The following MYOM1 variants were observed in gnomAD, a reference collection of about 807,000 sequenced individuals.
MYOM1 encodes myomesin-1.
Under a neutral mutation model 205.3 loss-of-function variants are expected in MYOM1, and 164 were observed. The ratio of observed to expected loss-of-function variants is 0.80; its 90% confidence interval spans 0.70 to 0.91. The LOEUF (loss-of-function observed/expected upper bound fraction) is 0.91, where lower values mean the gene tolerates loss of function less well. Among genes scored for constraint, MYOM1 ranks in the 40% least tolerant of loss-of-function variants. The pLI is 0.00. For missense variants in MYOM1, 2,011 were observed against 2,127.3 expected, an observed-to-expected ratio of 0.95 and a Z score of 1.08; for synonymous variants, 772 against 789.4, an observed-to-expected ratio of 0.98 and a Z score of 0.37.
chr18:3,150,981 T>C (rs1031457312), intron 12 of MYOM1, among the ~76,000 whole-genome samples: 3 of 123,616 alleles, frequency 2.4e-5, no homozygotes, highest in Non-Finnish European at 4.7e-5. Flanking sequence ...ATGCCTGGCT[T>C]TTTTTTTTTT....
intron 20 of MYOM1, among the ~76,000 whole-genome samples, chr18:3,119,652 T>C (rs2143831989): frequency 6.6e-6 from 1 of 152,290 alleles, no homozygotes; most frequent in East Asian, 1.9e-4. Context: ...GCTCTAGGAT[T>C]TACTGGGAAC....
rs142047476 is a variant in MYOM1, at chr18:3,126,746, T to C, written c.2946A>G (p.Lys982=). 3.2e-5 allele frequency: 51 copies of C among 1,613,772 alleles called. No individual in the cohort carries two copies. The Middle Eastern group carries it at 4.9e-4, about 16-fold the overall frequency. ...CAGCCTTGACATTGGCTTCTCTCCA[T>C]TTTCCTGGTACCCCATCAATGACCT... is the stretch of plus-strand genomic sequence containing the variant. ...YREVIDGVPG[K]WREANVKAVS... is the part of the protein sequence containing the mutation. The change falls in exon 19 of 38, where the codon AAA becomes AAG. Residue 982 remains lysine, a synonymous_variant. Transcript: ENST00000356443.
chr18:3,085,141 G>A lies in MYOM1; in HGVS notation c.4252-9C>T, dbSNP rs1304020441. On this transcript the variant is annotated splice_polypyrimidine_tract_variant and intron_variant, in intron 30 of 37. Coordinates refer to ENST00000356443, the MANE Select transcript of MYOM1 (RefSeq NM_003803.4). The stretch of plus-strand genomic sequence containing the variant: ...GCATCTTTCTTGGAAAACTAAGGGG[G>A]AATAGATATACCACATTGCACCTTT... 1.3e-6 allele frequency: 2 copies of A among 1,591,100 alleles called. No homozygotes were observed. The highest frequency in any genetic ancestry group is 1.7e-5 in the Admixed American group (1 of 57,500).
rs188526909 is a variant in MYOM1 at position 3,152,147 on chromosome 18, G to C, written c.1644-254C>G. Among the ~76,000 whole-genome samples, 157 of 152,264 alleles carry C rather than the reference G, an allele frequency of 1.0e-3. No individual in the cohort carries two copies. The highest frequency in any genetic ancestry group is 2.6e-3 in the African/African-American group (107 of 41,544). ...AAAGCAGGCATCTGAGGGGCCTTGT[G>C]TAGAAAGCAGAGGGGTTTGGGGGTT... On this transcript the variant is annotated intron_variant, in intron 11 of 37. Coordinates refer to ENST00000356443, the MANE Select transcript of MYOM1 (RefSeq NM_003803.4). The surrounding 1 kb of genome is among the most constrained non-coding windows in gnomAD (Gnocchi z 4.3).
chr18:3,216,822 A>G (rs2081273770), intron 1 of MYOM1, among the ~76,000 whole-genome samples: 1 of 152,202 alleles, frequency 6.6e-6, no homozygotes, highest in South Asian at 2.1e-4. Context: ...GAAAGCCAGA[A>G]GACCTATGAA....
At chr18:3,181,217 C>T (rs368500599) in intron 5 of MYOM1, among the ~76,000 whole-genome samples, 3 of 152,244 alleles carry the variant, frequency 2.0e-5, no homozygotes, top group East Asian at 3.9e-4. Context: ...TGAACCACCA[C>T]GCCCGGCCAA....
intron 19 of MYOM1, among the ~76,000 whole-genome samples, chr18:3,124,621 G>A (rs1024212568): frequency 4.0e-5 from 6 of 151,832 alleles, no homozygotes; most frequent in African/African-American, 4.9e-5. Context: ...GAGCCACCGC[G>A]CCCGGCCCCA....
chr18:3,084,757 A>T (rs2079129977), intron 31 of MYOM1, among the ~76,000 whole-genome samples: 1 of 152,188 alleles, frequency 6.6e-6, no homozygotes, highest in African/African-American at 2.4e-5. Flanking sequence ...TGAGCCTGGA[A>T]CATTTTTATA....
chr18:3,216,272 GAAACA>G (rs2081266111), intron 1 of MYOM1, among the ~76,000 whole-genome samples: 1 of 152,062 alleles, frequency 6.6e-6, no homozygotes, highest in Non-Finnish European at 1.5e-5. Flanking sequence ...GTCTCACAAT[GAAACA>G]AAACAAAAAA....
intron 36 of MYOM1, among the ~76,000 whole-genome samples, chr18:3,072,451 T>G (rs1170243378): frequency 2.0e-5 from 3 of 146,556 alleles, no homozygotes; most frequent in Non-Finnish European, 3.0e-5. Flanking sequence ...CCTCCCAGGT[T>G]CAAGTGATTC....
At chr18:3,187,264 A>G (rs2080830712) in intron 5 of MYOM1, among the ~76,000 whole-genome samples, 2 of 152,384 alleles carry the variant, frequency 1.3e-5, no homozygotes, top group Non-Finnish European at 2.9e-5. Flanking sequence ...ATAGGATTAT[A>G]GAGTATTATC....
chr18:3,113,839 AAT>A (rs1233234301), intron 21 of MYOM1, among the ~76,000 whole-genome samples: 1 of 152,194 alleles, frequency 6.6e-6, no homozygotes, highest in Non-Finnish European at 1.5e-5. Context: ...TAAATCAAAC[AAT>A]GTTGGAATAA....
rs2080970358 is a variant in MYOM1, at chr18:3,194,769, A to C, written c.291-811T>G. On this transcript the variant is annotated intron_variant, in intron 2 of 37. Coordinates refer to ENST00000356443, the MANE Select transcript of MYOM1 (RefSeq NM_003803.4). Reference sequence around the variant, plus strand: ...AATTTGGCATAAACTTCAGGAGTTCATGAACTCCCTGAAGTCAATCCATGA... The same window carrying C: ...AATTTGGCATAAACTTCAGGAGTTCCTGAACTCCCTGAAGTCAATCCATGA... 2.0e-5 allele frequency among the ~76,000 whole-genome samples: 3 copies of C among 152,134 alleles called. No individual in the cohort carries two copies. The South Asian group carries it at 6.2e-4, about 32-fold the overall frequency.
intron 9 of MYOM1, among the ~76,000 whole-genome samples, chr18:3,166,181 G>A (rs527499023): frequency 1.3e-5 from 2 of 151,568 alleles, no homozygotes; most frequent in East Asian, 3.9e-4. Flanking sequence ...TCTTGGTCCT[G>A]TAAAATGGCA....
intron 10 of MYOM1, among the ~76,000 whole-genome samples, chr18:3,158,877 GTGC>G (rs779804221): frequency 3.3e-5 from 5 of 152,134 alleles, no homozygotes; most frequent in Non-Finnish European, 5.9e-5. Flanking sequence ...GCCTCCCAAA[GTGC>G]TGGGATTACC....
the MYOM1 span, among the ~76,000 whole-genome samples, chr18:3,234,037 T>C: frequency 6.6e-6 from 1 of 152,198 alleles, no homozygotes; most frequent in African/African-American, 2.4e-5. Context: ...AATATGACCC[T>C]GGGCAGGTCA....
chr18:3,198,541 T>G (rs1161856134), intron 2 of MYOM1, among the ~76,000 whole-genome samples: 1 of 152,178 alleles, frequency 6.6e-6, no homozygotes, highest in Non-Finnish European at 1.5e-5. Flanking sequence ...ATCTCAGCAC[T>G]TTGGGAGGCC....
intron 10 of MYOM1, among the ~76,000 whole-genome samples, chr18:3,159,549 G>A (rs1479103823): frequency 1.3e-5 from 2 of 152,176 alleles, no homozygotes; most frequent in Admixed American, 1.3e-4. Flanking sequence ...CTATAAATAT[G>A]AACACACATG....
chr18:3,097,067 G>C (rs1164307205), intron 25 of MYOM1, among the ~76,000 whole-genome samples: 1 of 152,168 alleles, frequency 6.6e-6, no homozygotes, highest in Non-Finnish European at 1.5e-5. Flanking sequence ...TTTGAAAACA[G>C]CTTAAAATAG....
Sources: gnomAD v4.1 joint callset for allele counts (sites outside exome capture counted in the v4.1 genomes callset) on GRCh38, gnomAD v4.1.1 for gene constraint, Gnocchi (gnomAD v3.1) non-coding constraint, MANE v1.5 for transcripts, NCBI Gene and HGNC (gene_info 2026-07-23, HGNC 2026-07-21) for gene names.